The following AGMO variants were observed in gnomAD, a reference collection of about 807,000 sequenced individuals.
AGMO encodes alkylglycerol monooxygenase, also known as glyceryl-ether monooxygenase.
A neutral mutation model predicts 60.2 loss-of-function variants in AGMO; 75 were observed. The observed-to-expected ratio is 1.25, with a 90% confidence interval of 1.03 to 1.51. The LOEUF (loss-of-function observed/expected upper bound fraction) is 1.51, where lower values mean the gene tolerates loss of function less well. AGMO is among the 40% of genes most tolerant of loss of function. The pLI is 0.00. For missense variants in AGMO, 763 were observed against 525.5 expected (o/e 1.45, Z -4.42); for synonymous variants, 261 against 177.1 (o/e 1.47, Z -3.76).
chr7:15,140,354 T>C, the AGMO span, among the ~76,000 whole-genome samples: 1 of 152,152 alleles, frequency 6.6e-6, no homozygotes, highest in East Asian at 1.9e-4. Flanking sequence ...CTCTGGCATC[T>C]TTTAAGATAT....
chr7:15,559,473 A>T (rs1397869417), intron 2 of AGMO, among the ~76,000 whole-genome samples: 1 of 152,244 alleles, frequency 6.6e-6, no homozygotes, highest in Non-Finnish European at 1.5e-5. Context: ...AATGAATCTG[A>T]ATTGGCCTGG....
intron 12 of AGMO, among the ~76,000 whole-genome samples, chr7:15,209,706 A>C (rs991229943): frequency 1.3e-5 from 2 of 152,120 alleles, no homozygotes; most frequent in Admixed American, 1.3e-4. Flanking sequence ...CCAGAACTGG[A>C]CCCAAGGGTA....
chr7:15,147,940 G>C, the AGMO span, among the ~76,000 whole-genome samples: 1 of 152,148 alleles, frequency 6.6e-6, no homozygotes, highest in Non-Finnish European at 1.5e-5. Flanking sequence ...AAATATGCTT[G>C]TCATAACTTC....
intron 12 of AGMO, among the ~76,000 whole-genome samples, chr7:15,276,912 A>G (rs1471308907): frequency 7.0e-6 from 1 of 142,924 alleles, no homozygotes; most frequent in Non-Finnish European, 1.5e-5. Context: ...TTTTTAAGAT[A>G]TCTAACTCTT....
At chr7:15,231,346 A>T (rs1782253819) in intron 12 of AGMO, among the ~76,000 whole-genome samples, 1 of 152,088 alleles carries the variant, frequency 6.6e-6, no homozygotes, top group East Asian at 1.9e-4. Flanking sequence ...CTGCTTCTAT[A>T]CTTATCTCTC....
At chr7:15,190,926 A>C in the AGMO span, among the ~76,000 whole-genome samples, 1 of 151,952 alleles carries the variant, frequency 6.6e-6, no homozygotes, top group Admixed American at 6.6e-5. Context: ...TTCACTTCCC[A>C]TGTCTGTTCA....
intron 4 of AGMO, among the ~76,000 whole-genome samples, chr7:15,424,877 G>T (rs2128496274): frequency 6.6e-6 from 1 of 152,218 alleles, no homozygotes; most frequent in Admixed American, 6.5e-5. Context: ...AAAGTTGTTA[G>T]TTTCTTGTAT....
chr7:15,451,127 T>C (rs1781845344), intron 3 of AGMO, among the ~76,000 whole-genome samples: 2 of 152,134 alleles, frequency 1.3e-5, no homozygotes, highest in Non-Finnish European at 2.9e-5. Context: ...TCATCCAGAA[T>C]TTTAGCTGGG....
At chr7:15,207,381 CAAT>C (rs1781465545) in intron 12 of AGMO, among the ~76,000 whole-genome samples, 2 of 152,158 alleles carry the variant, frequency 1.3e-5, no homozygotes, top group South Asian at 4.2e-4. Flanking sequence ...CTAAAAATTC[CAAT>C]ATTACCAACC....
At chr7:15,515,479 T>C (rs1055728570) in intron 3 of AGMO, among the ~76,000 whole-genome samples, 3 of 152,220 alleles carry the variant, frequency 2.0e-5, no homozygotes, top group African/African-American at 7.2e-5. Flanking sequence ...ATCCCTGGAA[T>C]TAGAATGTGC....
chr7:15,340,868 A>G (rs1760255734), intron 12 of AGMO, among the ~76,000 whole-genome samples: 2 of 152,108 alleles, frequency 1.3e-5, no homozygotes, highest in South Asian at 4.2e-4. Flanking sequence ...TGGAGCTGTG[A>G]GAAGAGGGCC....
intron 12 of AGMO, among the ~76,000 whole-genome samples, chr7:15,229,376 C>T (rs867199675): frequency 2.2e-4 from 33 of 151,388 alleles, no homozygotes; most frequent in African/African-American, 7.3e-4. Context: ...TCTAAGGGTT[C>T]GAATACAAAA....
intron 3 of AGMO, among the ~76,000 whole-genome samples, chr7:15,476,342 A>G (rs1420480500): frequency 2.0e-5 from 3 of 152,120 alleles, no homozygotes; most frequent in African/African-American, 7.2e-5. Context: ...TTTTACTGAA[A>G]GTAGGGAACT....
chr7:15,301,938 G>C (rs1249464936), intron 12 of AGMO, among the ~76,000 whole-genome samples: 1 of 152,106 alleles, frequency 6.6e-6, no homozygotes, highest in Non-Finnish European at 1.5e-5. Flanking sequence ...GTTACTTCTG[G>C]TGCTGAAAGA....
chr7:15,158,075 T>C, the AGMO span, among the ~76,000 whole-genome samples: 1 of 152,166 alleles, frequency 6.6e-6, no homozygotes, highest in Non-Finnish European at 1.5e-5. Flanking sequence ...TATGACTGTA[T>C]TGATATAAAG....
At chr7:15,418,846 A>G (rs1053436087) in intron 4 of AGMO, among the ~76,000 whole-genome samples, 193 bp from the exon 5 acceptor site, 3 of 151,906 alleles carry the variant, frequency 2.0e-5, no homozygotes, top group Non-Finnish European at 4.4e-5. Context: ...GTTGGAGCTA[A>G]GGCCACTGGA....
intron 12 of AGMO, among the ~76,000 whole-genome samples, chr7:15,354,475 C>CGTGTATATAT (rs1782428984): frequency 6.6e-5 from 1 of 15,194 alleles, no homozygotes; most frequent in Non-Finnish European, 1.1e-4. Context: ...TGTGTATACA[C>CGTGTATATAT]ACGTGTGTAT....
chr7:15,435,214 C>G (rs1781366381), intron 3 of AGMO, among the ~76,000 whole-genome samples: 1 of 151,898 alleles, frequency 6.6e-6, no homozygotes, highest in Non-Finnish European at 1.5e-5. Flanking sequence ...GTTTTTATTT[C>G]ACGTGGGTAA....
chr7:15,292,758 T>C (rs1784308688), intron 12 of AGMO, among the ~76,000 whole-genome samples: 1 of 110,932 alleles, frequency 9.0e-6, no homozygotes, highest in Non-Finnish European at 1.9e-5. Flanking sequence ...TTCCTTTTTT[T>C]TTTTTTTTTT....
Sources: allele counts gnomAD v4.1 joint callset (sites outside exome capture counted in the v4.1 genomes callset), GRCh38; gene constraint gnomAD v4.1.1; transcripts MANE v1.5; gene names NCBI Gene and HGNC (gene_info 2026-07-23, HGNC 2026-07-21).